Variants in ZC3H12B observed in about 807,000 individuals in gnomAD.
ZC3H12B encodes zinc finger CCCH-type containing 12B.
A neutral mutation model predicts 43.9 loss-of-function variants in ZC3H12B; 7 were observed. The ratio of observed to expected loss-of-function variants is 0.16; its 90% confidence interval spans 0.09 to 0.30. ZC3H12B has a LOEUF of 0.30. Among genes scored for constraint, ZC3H12B ranks in the 10% least tolerant of loss-of-function variants. The pLI, the probability that ZC3H12B is intolerant of heterozygous loss-of-function variation, is 1.00. For missense variants in ZC3H12B, 475 were observed against 670.2 expected, an observed-to-expected ratio of 0.71 and a Z score of 3.22; for synonymous variants, 222 against 241.7, an observed-to-expected ratio of 0.92 and a Z score of 0.76.
At chrX:65,263,179 A>G in the ZC3H12B span, among the ~76,000 whole-genome samples, 1 of 111,541 alleles carries the variant, frequency 9.0e-6, no homozygotes, top group Non-Finnish European at 1.9e-5. Flanking sequence ...GTTGGCAGAT[A>G]ATCACTTGAT....
the ZC3H12B span, among the ~76,000 whole-genome samples, chrX:65,160,583 T>C: frequency 8.9e-6 from 1 of 111,995 alleles, no homozygotes; most frequent in Admixed American, 9.5e-5. Flanking sequence ...TGGTAGTTTG[T>C]ATTTCTGTGG....
the ZC3H12B span, among the ~76,000 whole-genome samples, chrX:65,102,069 G>C: frequency 1.8e-5 from 2 of 111,854 alleles, no homozygotes; most frequent in Non-Finnish European, 3.8e-5. Context: ...GGGATGCAAG[G>C]CTGGTTCAGC....
At chrX:65,234,882 T>C in the ZC3H12B span, among the ~76,000 whole-genome samples, 1 of 111,588 alleles carries the variant, frequency 9.0e-6, no homozygotes, top group African/African-American at 3.3e-5. Flanking sequence ...CAGTGTGTCT[T>C]GTTTCCTCCC....
At chrX:65,463,121 G>C (rs1464256279) in intron 3 of ZC3H12B, among the ~76,000 whole-genome samples, 4 of 111,843 alleles carry the variant, frequency 3.6e-5, no homozygotes, top group Non-Finnish European at 5.6e-5. Context: ...TACTAGAAGA[G>C]GGAGGAAGAA....
intron 3 of ZC3H12B, among the ~76,000 whole-genome samples, chrX:65,433,558 A>G (rs1490441293): frequency 8.9e-6 from 1 of 111,740 alleles, no homozygotes; most frequent in Admixed American, 9.6e-5. Context: ...TGTGAGATTA[A>G]TCTAAGCTAA....
the ZC3H12B span, among the ~76,000 whole-genome samples, chrX:65,047,842 A>G: frequency 2.9e-4 from 32 of 110,632 alleles, no homozygotes; most frequent in Non-Finnish European, 9.5e-5. Context: ...GCCAGTCTCT[A>G]TCTTTTAATT....
At position 65,408,988 on chromosome X, in the gene ZC3H12B, A is replaced by G. The variant is rs753053661; in HGVS notation, n.407+10284A>G. 8.0e-5 allele frequency among the ~76,000 whole-genome samples: 9 copies of G among 112,432 alleles called. No homozygotes were observed. The South Asian group carries it at 3.3e-3, about 41-fold the overall frequency. On this transcript the variant is annotated intron_variant and non_coding_transcript_variant, in intron 3 of 5. Coordinates refer to the ZC3H12B transcript ENST00000617377. ...TTTTCAAAGAAAGTAATGTTGTTAAATGGGGTGAAATAAGAAGTTAAATTT... is the reference window on the plus strand; with the variant it reads ...TTTTCAAAGAAAGTAATGTTGTTAAGTGGGGTGAAATAAGAAGTTAAATTT...
chrX:65,385,957 G>C (rs1178176845), intron 2 of ZC3H12B, among the ~76,000 whole-genome samples: 1 of 112,056 alleles, frequency 8.9e-6, no homozygotes, highest in Non-Finnish European at 1.9e-5. Context: ...TTATTGATTT[G>C]CGTATGTTGA....
chrX:65,063,050 G>A, the ZC3H12B span, among the ~76,000 whole-genome samples: 2 of 112,143 alleles, frequency 1.8e-5, no homozygotes, highest in Non-Finnish European at 3.8e-5. Context: ...TCAGCTTAAG[G>A]TGTTGTTGGA....
chrX:65,506,690 A>T (rs1176674206), exon 5 of ZC3H12B: 1 of 110,821 alleles, frequency 9.0e-6, no homozygotes, highest in Non-Finnish European at 1.9e-5. Flanking sequence ...AGCTTTTCTG[A>T]TTTTTTTTCT....
At chrX:65,113,855 G>C in the ZC3H12B span, among the ~76,000 whole-genome samples, 2 of 106,291 alleles carry the variant, frequency 1.9e-5, no homozygotes, top group African/African-American at 3.3e-5. Flanking sequence ...ACACTTAAGA[G>C]ACTGAAGTAT....
At chrX:65,323,046 T>C in the ZC3H12B span, among the ~76,000 whole-genome samples, 1 of 111,802 alleles carries the variant, frequency 8.9e-6, no homozygotes, top group African/African-American at 3.3e-5. Context: ...GTGGTGATTT[T>C]GTATTTGGTA....
chrX:65,065,051 G>C, the ZC3H12B span, among the ~76,000 whole-genome samples: 1 of 110,053 alleles, frequency 9.1e-6, no homozygotes, highest in African/African-American at 3.3e-5. Context: ...ACATGAGATG[G>C]GTCTCCTGAA....
intron 3 of ZC3H12B, among the ~76,000 whole-genome samples, chrX:65,451,147 A>G (rs1042372943): frequency 9.1e-6 from 1 of 109,700 alleles, no homozygotes; most frequent in African/African-American, 3.3e-5. Flanking sequence ...ATGGGGTTTC[A>G]CCGTGTTAGC....
the ZC3H12B span, among the ~76,000 whole-genome samples, chrX:65,074,833 G>C: frequency 8.9e-6 from 1 of 111,847 alleles, no homozygotes; most frequent in African/African-American, 3.3e-5. Flanking sequence ...GTTTTCAGTT[G>C]ATTTGTTATT....
the ZC3H12B span, among the ~76,000 whole-genome samples, chrX:65,111,344 T>C: frequency 9.0e-6 from 1 of 111,186 alleles, no homozygotes; most frequent in African/African-American, 3.3e-5. Context: ...CACAATCAAG[T>C]ATAATGCTAG....
chrX:65,145,120 T>C, the ZC3H12B span, among the ~76,000 whole-genome samples: 1 of 111,750 alleles, frequency 8.9e-6, no homozygotes, highest in African/African-American at 3.3e-5. Flanking sequence ...AGGTCTACTA[T>C]TAATCGTTTT....
At chrX:65,492,140 TTTTGG>T (rs993337374) in intron 1 of ZC3H12B, among the ~76,000 whole-genome samples, 6 of 110,370 alleles carry the variant, frequency 5.4e-5, no homozygotes, top group South Asian at 3.9e-4. Flanking sequence ...TTTTGTTTTG[TTTTGG>T]TTTGGTTTGG....
At chrX:65,113,928 C>A in the ZC3H12B span, among the ~76,000 whole-genome samples, 1 of 93,809 alleles carries the variant, frequency 1.1e-5, no homozygotes, top group Admixed American at 1.3e-4. Flanking sequence ...CACTTTATTG[C>A]GATACTTGCT....
Sources: allele counts gnomAD v4.1 joint callset (sites outside exome capture counted in the v4.1 genomes callset), GRCh38; gene constraint gnomAD v4.1.1; transcripts MANE v1.5; gene names NCBI Gene and HGNC (gene_info 2026-07-23, HGNC 2026-07-21).